Variants in MYO3B observed in about 807,000 individuals in gnomAD.
The protein encoded by MYO3B is myosin-IIIb.
MYO3B carries 156 observed loss-of-function variants against 174.6 expected under a neutral mutation model. The observed-to-expected ratio is 0.89, with a 90% CI of 0.78 to 1.02. The LOEUF (loss-of-function observed/expected upper bound fraction) is 1.02, where lower values mean the gene tolerates loss of function less well. Among genes scored for constraint, MYO3B ranks in the 50% least tolerant of loss-of-function variants. The pLI is 0.00. For missense variants in MYO3B, 1,632 were observed against 1,639.4 expected, an observed-to-expected ratio of 1.00 and a Z score of 0.08; for synonymous variants, 563 against 569.1, an observed-to-expected ratio of 0.99 and a Z score of 0.15.
intron 32 of MYO3B, among the ~76,000 whole-genome samples, chr2:170,649,307 AT>A (rs1698780938): frequency 1.1e-5 from 1 of 92,054 alleles, no homozygotes; most frequent in Non-Finnish European, 1.9e-5. Context: ...AAAATAATAT[AT>A]ATTATATATA....
intron 25 of MYO3B, among the ~76,000 whole-genome samples, chr2:170,479,401 A>T (rs114225896): frequency 0.11 from 16,190 of 146,348 alleles, 1,159 homozygotes; most frequent in South Asian, 0.2. Flanking sequence ...TATATTATAT[A>T]TCTATTATAT....
At chr2:170,186,662 CT>C (rs2092468232) in intron 1 of MYO3B, among the ~76,000 whole-genome samples, 1 of 152,098 alleles carries the variant, frequency 6.6e-6, no homozygotes. Flanking sequence ...GTATTCCCTC[CT>C]CCTCTATTTT....
chr2:170,632,386 C>T (rs891888476), intron 32 of MYO3B, among the ~76,000 whole-genome samples: 1 of 152,068 alleles, frequency 6.6e-6, no homozygotes, highest in Admixed American at 6.6e-5. Context: ...CTACTGGGTA[C>T]ATAACGAAAT....
intron 18 of MYO3B, among the ~76,000 whole-genome samples, 174 bp downstream of exon 18, chr2:170,401,865 C>T (rs547215453): frequency 1.4e-5 from 2 of 146,348 alleles, no homozygotes; most frequent in Non-Finnish European, 3.0e-5. Flanking sequence ...TGCAGTGGCA[C>T]GATCTCCGCT....
At chr2:170,204,931 G>C (rs368223530) in intron 3 of MYO3B, among the ~76,000 whole-genome samples, 4 of 152,114 alleles carry the variant, frequency 2.6e-5, no homozygotes, top group Non-Finnish European at 5.9e-5. Flanking sequence ...AATTGTCAGT[G>C]TACACCTGAT....
At chr2:170,293,509 T>C (rs2093609483) in intron 7 of MYO3B, among the ~76,000 whole-genome samples, 2 of 152,310 alleles carry the variant, frequency 1.3e-5, no homozygotes, top group South Asian at 4.1e-4. Context: ...TGTCAGATTA[T>C]AAATTTTTAT....
At chr2:170,281,490 G>C (rs1197002105) in intron 7 of MYO3B, among the ~76,000 whole-genome samples, 1 of 152,094 alleles carries the variant, frequency 6.6e-6, no homozygotes, top group Non-Finnish European at 1.5e-5. Context: ...TTATATTCCT[G>C]AATGACTTTT....
chr2:170,180,911 A>T (rs2092391210), intron 1 of MYO3B, among the ~76,000 whole-genome samples: 1 of 152,194 alleles, frequency 6.6e-6, no homozygotes, highest in South Asian at 2.1e-4. Flanking sequence ...TATATTTGGC[A>T]TTCTTTCCAT....
rs1459888853 is a variant in MYO3B at position 170,602,050 on chromosome 2, A to C, written c.3734-49578A>C. The C allele has an allele frequency of 4.2e-6, 4 of 951,484 alleles. No homozygotes were observed. In the African/African-American group the frequency reaches 6.4e-5, roughly 15 times the overall value. The allele number at this position is 951,484 out of a possible 1,614,324, so 58.9% of individuals were successfully genotyped here. ...TTTGTCCACCTTTGCCATATCTTCA[A>C]ATTTTCCTTTATCTTTAGCAGACAT... On this transcript the variant is annotated intron_variant, in intron 32 of 34. Transcript: ENST00000408978.
chr2:170,434,448 G>T (rs1329153228), intron 22 of MYO3B, among the ~76,000 whole-genome samples: 2 of 152,274 alleles, frequency 1.3e-5, no homozygotes, highest in East Asian at 3.9e-4. Flanking sequence ...GAGGGGAAGG[G>T]GTTCTTATTC....
intron 32 of MYO3B, among the ~76,000 whole-genome samples, chr2:170,587,023 C>A (rs1419551407): frequency 6.6e-6 from 1 of 152,166 alleles, no homozygotes; most frequent in Non-Finnish European, 1.5e-5. Context: ...TTCTCTCTTG[C>A]CAAGTCTACC....
rs1278855339 is a variant in MYO3B, at chr2:170,203,498, CG to C, written c.321+3223del. Among the ~76,000 whole-genome samples the C allele has an allele frequency of 1.9e-3, 25 of 13,428 alleles. 1 individual carries two copies. Among genetic ancestry groups the C allele is most frequent in the Admixed American group, 4.1e-3 (4 of 966 alleles). 8.8% of individuals were successfully genotyped at this position (13,428 alleles called of 152,430 possible). A position where few individuals can be genotyped will look rare whatever the true frequency, so the allele number is the denominator to read the frequency against. On this transcript the variant is annotated intron_variant, in intron 3 of 34. Coordinates refer to ENST00000408978, the MANE Select transcript of MYO3B (RefSeq NM_138995.5). ...GTAGAGCCAAAGCAAAAGGGGGCGG[CG>C]GGGGGGGGAGGGAGGGAGGGAGAAA...
chr2:170,492,308 C>T (rs1686544526), intron 25 of MYO3B, among the ~76,000 whole-genome samples: 1 of 152,186 alleles, frequency 6.6e-6, no homozygotes, highest in African/African-American at 2.4e-5. Context: ...CCAGTTAGTA[C>T]TCTGCTGAAT....
intron 7 of MYO3B, among the ~76,000 whole-genome samples, chr2:170,288,348 A>G (rs2093572214): frequency 6.6e-6 from 1 of 151,884 alleles, no homozygotes; most frequent in Non-Finnish European, 1.5e-5. Context: ...AATTATTCCA[A>G]TCCATGAGCA....
Position 170,563,615 on chromosome 2 carries a change from G to A in MYO3B, c.3733+19627G>A, listed in dbSNP as rs151203915. On this transcript the variant is annotated intron_variant, in intron 32 of 34. Transcript: ENST00000408978. ...AGTTAGGAATTAGTCTGTGCTTTCA[G>A]AAACACATACTGAAATAGGGTGACT... Among the ~76,000 whole-genome samples the A allele has an allele frequency of 3.2e-4, 49 of 152,248 alleles. No individual in the cohort carries two copies. In the East Asian group the frequency reaches 7.0e-3, roughly 22 times the overall value.
chr2:170,435,269 G>A (rs1432850240), intron 22 of MYO3B, among the ~76,000 whole-genome samples: 4 of 152,202 alleles, frequency 2.6e-5, no homozygotes, highest in African/African-American at 9.6e-5. Context: ...GAGGGCCTTT[G>A]ATTAGGACTG....
At chr2:170,220,054 C>A (rs182047374) in intron 6 of MYO3B, among the ~76,000 whole-genome samples, 2 of 151,942 alleles carry the variant, frequency 1.3e-5, no homozygotes, top group Admixed American at 6.6e-5. Flanking sequence ...GTCAGGAGAT[C>A]GAGACCATCC....
At chr2:170,421,504 G>C (rs2094614665) in intron 22 of MYO3B, among the ~76,000 whole-genome samples, 1 of 152,166 alleles carries the variant, frequency 6.6e-6, no homozygotes, top group Non-Finnish European at 1.5e-5. Context: ...TTGGAACGTG[G>C]CTGCCCCGGG....
chr2:170,444,230 A>C (rs2094824038), intron 23 of MYO3B, among the ~76,000 whole-genome samples, 184 bp downstream of exon 23: 1 of 152,222 alleles, frequency 6.6e-6, no homozygotes, highest in African/African-American at 2.4e-5. Context: ...GAATCCTTAC[A>C]ATCCTGATTC....
Sources: gnomAD v4.1 joint callset for allele counts (sites outside exome capture counted in the v4.1 genomes callset) on GRCh38, gnomAD v4.1.1 for gene constraint, MANE v1.5 for transcripts, NCBI Gene and HGNC (gene_info 2026-07-23, HGNC 2026-07-21) for gene names.